The following FBXO15 variants were observed in gnomAD, a reference collection of about 807,000 sequenced individuals.
The protein encoded by FBXO15 is F-box only protein 15.
FBXO15 carries 30 observed loss-of-function variants against 49.5 expected under a neutral mutation model. The observed-to-expected ratio is 0.61, with a 90% confidence interval of 0.45 to 0.82. FBXO15 has a LOEUF of 0.82. FBXO15 is among the 40% of genes least tolerant of loss of function. The probability of loss-of-function intolerance (pLI) is 0.00; values close to 1 mark genes in which losing one functional copy is unlikely to be tolerated. For synonymous variants in FBXO15, 250 were observed against 232.7 expected, an observed-to-expected ratio of 1.07 and a Z score of -0.68; for missense variants, 591 against 631.5, an observed-to-expected ratio of 0.94 and a Z score of 0.69.
At position 74,119,557 on chromosome 18, in the gene FBXO15, G is replaced by A. The variant is rs182980699; in HGVS notation, c.1138+3811C>T. ...TGAGGGCTTCTAGGTGTAGCAAAGT[G>A]GGTAAAGCCTCACTGAGAAGCTGTC... On this transcript the variant is annotated intron_variant, in intron 8 of 9. Transcript: ENST00000419743. Among the ~76,000 whole-genome samples, 895 of 152,266 alleles carry A rather than the reference G, an allele frequency of 5.9e-3. 7 individuals carry two copies. Among genetic ancestry groups the A allele is most frequent in the Non-Finnish European group, 8.4e-3 (571 of 68,024 alleles).
In FBXO15 at chr18:74,125,959, G is replaced by A. The variant is rs749805631; in HGVS notation, c.912+16C>T. 4.3e-6 allele frequency: 7 copies of A among 1,613,578 alleles called. No individual in the cohort carries two copies. Among genetic ancestry groups the A allele is most frequent in the Non-Finnish European group, 5.9e-6 (7 of 1,179,820 alleles). ...ATGGGGAAATGACACAGTACATACA[G>A]GGACTCAAGTCTTACCTTCCACACT... On this transcript the variant is annotated intron_variant, in intron 6 of 9. Coordinates refer to ENST00000419743, the MANE Select transcript of FBXO15 (RefSeq NM_001142958.2).
intron 8 of FBXO15, among the ~76,000 whole-genome samples, chr18:74,096,656 A>C (rs1428823468): frequency 6.6e-6 from 1 of 152,052 alleles, no homozygotes; most frequent in Non-Finnish European, 1.5e-5. Context: ...CAAAAAAAAA[A>C]AACACAAAAA....
chr18:74,129,943 G>A (rs1978318381), intron 4 of FBXO15, among the ~76,000 whole-genome samples: 1 of 152,006 alleles, frequency 6.6e-6, no homozygotes, highest in African/African-American at 2.4e-5. Context: ...AAAACTTTAG[G>A]CTACTTACTA....
intron 8 of FBXO15, chr18:74,097,887 C>G (rs1913350129): frequency 6.6e-6 from 1 of 152,422 alleles, no homozygotes; most frequent in Admixed American, 6.5e-5. Context: ...TCCACTGGAA[C>G]AGGAGCTGGT....
At chr18:74,091,522 G>C (rs1194783733) in intron 8 of FBXO15, among the ~76,000 whole-genome samples, 1 of 152,094 alleles carries the variant, frequency 6.6e-6, no homozygotes, top group Non-Finnish European at 1.5e-5. Context: ...TTTTGTAGTG[G>C]TCAGTAATAG....
intron 8 of FBXO15, among the ~76,000 whole-genome samples, chr18:74,084,350 GTAA>G (rs1397427510): frequency 6.6e-6 from 1 of 152,206 alleles, no homozygotes; most frequent in Non-Finnish European, 1.5e-5. Flanking sequence ...ATGTGTTCCT[GTAA>G]ACCTGGAGTC....
chr18:74,141,298 C>T (rs916875434), intron 1 of FBXO15, among the ~76,000 whole-genome samples: 4 of 152,132 alleles, frequency 2.6e-5, no homozygotes, highest in South Asian at 4.1e-4. Flanking sequence ...GCAGCACACC[C>T]GGAGAGCCAT....
rs1021221169 is a variant in FBXO15 at position 74,086,119 on chromosome 18, C to A, written c.1139-4068G>T. Among the ~76,000 whole-genome samples, 6 of 151,992 alleles carry A rather than the reference C, an allele frequency of 3.9e-5. No homozygotes were observed. The East Asian group carries it at 5.8e-4, about 15-fold the overall frequency. On this transcript the variant is annotated intron_variant, in intron 8 of 9. Coordinates refer to ENST00000419743, the MANE Select transcript of FBXO15 (RefSeq NM_001142958.2). ...TCTAATGCTTTACCTATTATAAATT[C>A]TTGGGGAGTATAATCTGAACTAGAC... is the stretch of plus-strand genomic sequence containing the variant.
intron 9 of FBXO15, among the ~76,000 whole-genome samples, chr18:74,077,208 T>C (rs374866695): frequency 3.0e-4 from 45 of 152,282 alleles, no homozygotes; most frequent in South Asian, 1.2e-3. Context: ...TCAACCACTA[T>C]GTGCTGAATG....
At chr18:74,134,366 AT>A (rs34748425) in intron 3 of FBXO15, among the ~76,000 whole-genome samples, 16,739 of 119,132 alleles carry the variant, frequency 0.14, 672 homozygotes, top group East Asian at 0.29. Flanking sequence ...GACCTGGAGA[AT>A]TTTTTTTTTT....
chr18:74,080,837 C>T (rs777090103), intron 9 of FBXO15, among the ~76,000 whole-genome samples: 3 of 152,170 alleles, frequency 2.0e-5, no homozygotes, highest in Admixed American at 6.5e-5. Flanking sequence ...CTCTGGACTA[C>T]CAGAAAACAC....
chr18:74,115,815 T>A (rs1300451817), intron 8 of FBXO15, among the ~76,000 whole-genome samples: 1 of 152,252 alleles, frequency 6.6e-6, no homozygotes, highest in Non-Finnish European at 1.5e-5. Flanking sequence ...ATAAAGGGTT[T>A]ATGTACACAA....
chr18:74,129,791 T>C (rs1200708199), intron 4 of FBXO15, among the ~76,000 whole-genome samples, 177 bp from the exon 5 acceptor site: 1 of 152,194 alleles, frequency 6.6e-6, no homozygotes, highest in Non-Finnish European at 1.5e-5. Flanking sequence ...AGACTTTTTC[T>C]CCTCACCTAA....
intron 1 of FBXO15, among the ~76,000 whole-genome samples, chr18:74,144,182 T>C (rs970343276): frequency 2.0e-5 from 3 of 152,224 alleles, no homozygotes; most frequent in Admixed American, 1.3e-4. Context: ...ACCAACCTAA[T>C]ACATAAACTT....
chr18:74,108,192 G>A (rs543464632), intron 8 of FBXO15, among the ~76,000 whole-genome samples: 40 of 152,232 alleles, frequency 2.6e-4, no homozygotes, highest in East Asian at 9.6e-4. Flanking sequence ...CAGAGCAAGC[G>A]TCAGAACCAG....
intron 1 of FBXO15, among the ~76,000 whole-genome samples, chr18:74,142,895 T>TA (rs1450975541): frequency 3.3e-5 from 5 of 152,234 alleles, no homozygotes; most frequent in African/African-American, 9.6e-5. Flanking sequence ...GACTTATTTT[T>TA]AAATGGTTAT....
chr18:74,147,767 G>T lies in FBXO15; in HGVS notation c.19C>A (p.Arg7=). 6.5e-7 allele frequency: 1 copy of T among 1,534,718 alleles called. No individual in the cohort carries two copies. The highest frequency in any genetic ancestry group is 8.8e-7 in the Non-Finnish European group (1 of 1,142,328). The change falls in exon 1 of 10, where the codon CGG becomes AGG. Residue 7 remains arginine, a synonymous_variant. Coordinates refer to ENST00000419743, the MANE Select transcript of FBXO15 (RefSeq NM_001142958.2). MATGRG[R]ILQQHWLGLQ... ...CCGAGCCAGTGCTGCTGCAAGATCC[G>T]ACCGCGTCCAGTCGCCATAGAGACA...
chr18:74,118,922 G>A (rs1257287479), intron 8 of FBXO15, among the ~76,000 whole-genome samples: 1 of 152,208 alleles, frequency 6.6e-6, no homozygotes. Context: ...GGGGAACTCT[G>A]ATGCCCTTCC....
At chr18:74,088,027 T>C (rs1912825954) in intron 8 of FBXO15, among the ~76,000 whole-genome samples, 1 of 152,212 alleles carries the variant, frequency 6.6e-6, no homozygotes, top group Admixed American at 6.5e-5. Flanking sequence ...TTGAAAATTG[T>C]CTGTTCATGT....
Sources: allele counts gnomAD v4.1 joint callset (sites outside exome capture counted in the v4.1 genomes callset), GRCh38; gene constraint gnomAD v4.1.1; transcripts MANE v1.5; gene names NCBI Gene and HGNC (gene_info 2026-07-23, HGNC 2026-07-21).